Variants in MECOM observed in about 807,000 individuals in gnomAD.
MECOM encodes MDS1 and EVI1 complex locus.
MECOM carries 13 observed loss-of-function variants against 116.3 expected under a neutral mutation model. The observed-to-expected ratio is 0.11, with a 90% CI of 0.07 to 0.18. MECOM has a LOEUF of 0.18. MECOM is among the 10% of genes least tolerant of loss of function. The pLI is 1.00. For missense variants in MECOM, 1,299 were observed against 1,509.0 expected, an observed-to-expected ratio of 0.86 and a Z score of 2.31; for synonymous variants, 528 against 535.2, an observed-to-expected ratio of 0.99 and a Z score of 0.19.
intron 8 of MECOM, 81 bp downstream of exon 8, chr3:169,115,302 G>T: frequency 7.2e-7 from 1 of 1,397,750 alleles, no homozygotes; most frequent in Non-Finnish European, 9.7e-7. Flanking sequence ...AAAATGATGT[G>T]TTAAAAAGCC....
intron 2 of MECOM, among the ~76,000 whole-genome samples, chr3:169,378,571 AAAGAAAGAAAGAAAGTAAGTAAGT>A (rs1731822525): frequency 3.1e-5 from 4 of 129,896 alleles, no homozygotes; most frequent in African/African-American, 9.6e-5. Context: ...AGAAAGAAAG[AAAGAAAGAAAGAAAGTAAGTAAGT>A]AAGTTTGGGG....
chr3:169,227,129 A>G (rs559245191), intron 2 of MECOM, among the ~76,000 whole-genome samples: 5 of 152,288 alleles, frequency 3.3e-5, no homozygotes, highest in Admixed American at 1.3e-4. Context: ...ATTTCTAGAG[A>G]AAGGTGAGAG....
At chr3:169,275,307 C>T (rs955096799) in intron 2 of MECOM, among the ~76,000 whole-genome samples, 1 of 152,184 alleles carries the variant, frequency 6.6e-6, no homozygotes, top group Non-Finnish European at 1.5e-5. Context: ...CAGAAGGGAA[C>T]ATTCTTACAC....
intron 1 of MECOM, among the ~76,000 whole-genome samples, chr3:169,407,064 G>T (rs1022400382): frequency 6.6e-6 from 1 of 151,820 alleles, no homozygotes; most frequent in East Asian, 1.9e-4. Context: ...GGCCAAGCTG[G>T]TCTTGAACTC....
chr3:169,534,784 AG>A (rs1759134446), intron 1 of MECOM, among the ~76,000 whole-genome samples: 1 of 152,166 alleles, frequency 6.6e-6, no homozygotes, highest in African/African-American at 2.4e-5. Context: ...GAGGAAACTG[AG>A]GAACAAAAAG....
chr3:169,496,194 C>T (rs1223622834), intron 1 of MECOM, among the ~76,000 whole-genome samples: 2 of 152,206 alleles, frequency 1.3e-5, no homozygotes, highest in African/African-American at 2.4e-5. Flanking sequence ...TAGGGATGGG[C>T]AGAGTCTATC....
At chr3:169,125,657 A>C (rs1218066697) in intron 5 of MECOM, among the ~76,000 whole-genome samples, 1 of 152,164 alleles carries the variant, frequency 6.6e-6, no homozygotes, top group East Asian at 1.9e-4. Flanking sequence ...AGTCATTTTC[A>C]CAAAAGTAAA....
rs1240989390 is a variant in MECOM, at chr3:169,477,103, GTGTATATATATATA to G, written c.38-95593_38-95580del. On this transcript the variant is annotated intron_variant, in intron 1 of 16. Coordinates refer to ENST00000651503, the MANE Select transcript of MECOM (RefSeq NM_004991.4). ...AAGATGTGTGTGTGTGTGTGTGTGT[GTGTATATATATATA>G]TATATATATATATATATATATATAT... is the stretch of plus-strand genomic sequence containing the variant. 71 of 56,260 alleles carry G rather than the reference GTGTATATATATATA, an allele frequency of 1.3e-3. No homozygotes were observed. The East Asian group carries it at 0.041, about 33-fold the overall frequency. The allele number at this position is 56,260 out of a possible 1,614,324, so 3.5% of individuals were successfully genotyped here.
chr3:169,306,119 C>T (rs1228199212), intron 2 of MECOM, among the ~76,000 whole-genome samples: 2 of 152,000 alleles, frequency 1.3e-5, no homozygotes, highest in African/African-American at 4.8e-5. Flanking sequence ...TCTTTTATGA[C>T]ACTCATGCAC....
intron 1 of MECOM, among the ~76,000 whole-genome samples, chr3:169,549,092 G>T (rs1027541936): frequency 4.0e-5 from 6 of 150,962 alleles, no homozygotes; most frequent in Non-Finnish European, 8.8e-5. Context: ...TCCTGCCTCA[G>T]CCTCCCGAGT....
chr3:169,375,513 A>G (rs1195619999), intron 2 of MECOM, among the ~76,000 whole-genome samples: 1 of 152,198 alleles, frequency 6.6e-6, no homozygotes, highest in Non-Finnish European at 1.5e-5. Flanking sequence ...CACTAATCCC[A>G]CAGAAATACA....
chr3:169,632,205 A>G (rs944076727), intron 1 of MECOM, among the ~76,000 whole-genome samples: 12 of 117,650 alleles, frequency 1.0e-4, no homozygotes, highest in African/African-American at 3.7e-4. Flanking sequence ...ATATATATAT[A>G]TATTCAAAAC....
chr3:169,535,781 T>C (rs1355919447), intron 1 of MECOM, among the ~76,000 whole-genome samples: 3 of 152,218 alleles, frequency 2.0e-5, no homozygotes, highest in Non-Finnish European at 4.4e-5. Context: ...AGGCACTCAA[T>C]AAATATTGAT....
intron 2 of MECOM, among the ~76,000 whole-genome samples, chr3:169,249,296 T>A (rs1755965079): frequency 6.6e-6 from 1 of 152,148 alleles, no homozygotes; most frequent in Non-Finnish European, 1.5e-5. Flanking sequence ...ATCCAAATCA[T>A]CCCTAGACTT....
At chr3:169,094,955 T>G in intron 13 of MECOM, 121 bp downstream of exon 13, 1 of 856,244 alleles carries the variant, frequency 1.2e-6, no homozygotes, top group Non-Finnish European at 1.6e-6. Context: ...TGGGAATTTT[T>G]ACAATAAGAC....
chr3:169,508,238 G>A lies in MECOM; in HGVS notation c.38-126714C>T, dbSNP rs576571001. Among the ~76,000 whole-genome samples, 10 of 152,074 alleles carry A rather than the reference G, an allele frequency of 6.6e-5. No homozygotes were observed. In the East Asian group the frequency reaches 1.7e-3, roughly 26 times the overall value. Reference sequence around the variant, plus strand: ...GAGAAGAAAATCCCACAATTATTTTGTTGAGTATTCTCTATTTTCTCCTAT... The same window carrying A: ...GAGAAGAAAATCCCACAATTATTTTATTGAGTATTCTCTATTTTCTCCTAT... On this transcript the variant is annotated intron_variant, in intron 1 of 16. Transcript: ENST00000651503.
At chr3:169,173,525 A>G (rs1559951072) in intron 2 of MECOM, among the ~76,000 whole-genome samples, 2 of 151,990 alleles carry the variant, frequency 1.3e-5, no homozygotes, top group Non-Finnish European at 2.9e-5. Flanking sequence ...TTTTGTGTTC[A>G]CTCTCTTTCT....
chr3:169,525,483 T>C (rs1393680391), intron 1 of MECOM, among the ~76,000 whole-genome samples: 1 of 152,196 alleles, frequency 6.6e-6, no homozygotes, highest in Non-Finnish European at 1.5e-5. Context: ...TTTTTCATAC[T>C]GAGAGTATAT....
At chr3:169,392,218 TAA>T (rs1734325404) in intron 1 of MECOM, among the ~76,000 whole-genome samples, 1 of 151,850 alleles carries the variant, frequency 6.6e-6, no homozygotes, top group African/African-American at 2.4e-5. Flanking sequence ...CACTGGTTGA[TAA>T]AGTTTCCTCC....
Sources: allele counts gnomAD v4.1 joint callset (sites outside exome capture counted in the v4.1 genomes callset), GRCh38; gene constraint gnomAD v4.1.1; transcripts MANE v1.5; gene names NCBI Gene and HGNC (gene_info 2026-07-23, HGNC 2026-07-21).